SLC12A5: variants seen among roughly 807,000 people sequenced by gnomAD.
SLC12A5 encodes solute carrier family 12 member 5, also known as K-Cl cotransporter 2.
A neutral mutation model predicts 124.0 loss-of-function variants in SLC12A5; 18 were observed. The observed-to-expected ratio is 0.15, with a 90% confidence interval of 0.10 to 0.22. The LOEUF is 0.22. SLC12A5 is among the 10% of genes least tolerant of loss of function. The probability of loss-of-function intolerance (pLI) is 1.00; values close to 1 mark genes in which losing one functional copy is unlikely to be tolerated. For synonymous variants in SLC12A5, 589 were observed against 568.0 expected (o/e 1.04, Z -0.53); for missense variants, 867 against 1,478.7 (o/e 0.59, Z 6.78).
intron 4 of SLC12A5, chr20:46,036,196 A>G: frequency 2.6e-6 from 1 of 386,262 alleles, no homozygotes; most frequent in Non-Finnish European, 4.6e-6. Flanking sequence ...AGGGAAGAAA[A>G]TAAAATTCAC....
At chr20:46,046,749 C>A (rs1385051501) in intron 14 of SLC12A5, among the ~76,000 whole-genome samples, 1 of 152,208 alleles carries the variant, frequency 6.6e-6, no homozygotes, top group Non-Finnish European at 1.5e-5. Flanking sequence ...CATGACTCTG[C>A]ACTTCCTAGC....
chr20:46,023,668 G>A, downstream of SLC12A5: 1 of 387,558 alleles, frequency 2.6e-6, no homozygotes, highest in Non-Finnish European at 4.6e-6. Flanking sequence ...ACTCCTATTC[G>A]TTCTGTAAGT....
At position 46,029,240 on chromosome 20, in the gene SLC12A5, G is replaced by A; in HGVS notation, c.-105G>A. 6.9e-7 allele frequency: 1 copy of A among 1,455,644 alleles called. No individual in the cohort carries two copies. Among genetic ancestry groups the A allele is most frequent in the Non-Finnish European group, 9.1e-7 (1 of 1,103,000 alleles). 90.2% of individuals were successfully genotyped at this position (1,455,644 alleles called of 1,614,324 possible). On this transcript the variant is annotated 5_prime_UTR_variant, in exon 1 of 26. Coordinates refer to ENST00000243964, the MANE Select transcript of SLC12A5 (RefSeq NM_020708.5). ...ACTGCAGCTTCTTCCTCCGTGGAGC[G>A]GAGAGCGAGACAGAGCTACAGCGAA... is the stretch of plus-strand genomic sequence containing the variant.
chr20:46,047,621 T>C, intron 15 of SLC12A5, 48 bp downstream of exon 15: 1 of 1,548,080 alleles, frequency 6.5e-7, no homozygotes, highest in South Asian at 1.2e-5. Flanking sequence ...GGCTGAAGGG[T>C]GGTGGGAAGG....
downstream of SLC12A5, among the ~76,000 whole-genome samples, chr20:46,024,167 G>A (rs2084378178): frequency 6.6e-6 from 1 of 150,706 alleles, no homozygotes; most frequent in Non-Finnish European, 1.5e-5. Flanking sequence ...GTGTGTGTGT[G>A]TGTCTTGTGG....
intron 5 of SLC12A5, among the ~76,000 whole-genome samples, 193 bp downstream of exon 5, chr20:46,036,988 A>C (rs3746517): frequency 0.029 from 4,392 of 151,812 alleles, 171 homozygotes; most frequent in Admixed American, 0.12. Context: ...GCCCTCCCCC[A>C]ACTCATCCTG....
intron 21 of SLC12A5, among the ~76,000 whole-genome samples, 168 bp downstream of exon 21, chr20:46,055,191 A>T (rs1205692209): frequency 6.6e-6 from 1 of 152,142 alleles, no homozygotes; most frequent in East Asian, 1.9e-4. Flanking sequence ...GCAGGAGTAT[A>T]CACTGCAGCT....
At chr20:46,037,469 G>C in intron 6 of SLC12A5, 84 bp downstream of exon 6, 1 of 1,412,840 alleles carries the variant, frequency 7.1e-7, no homozygotes, top group Non-Finnish European at 9.3e-7. Flanking sequence ...TATAGGCCAG[G>C]CCATTCAGTG....
upstream of SLC12A5, among the ~76,000 whole-genome samples, chr20:46,026,460 A>G (rs572304165): frequency 2.6e-5 from 4 of 152,104 alleles, no homozygotes; most frequent in Non-Finnish European, 5.9e-5. Context: ...GGTGCCTGCC[A>G]TGTGTTTTCT....
At position 46,029,275 on chromosome 20, in the gene SLC12A5, G is replaced by C; in HGVS notation, c.-70G>C. 6.6e-7 allele frequency: 1 copy of C among 1,506,092 alleles called. No homozygotes were observed. The highest frequency in any genetic ancestry group is 8.9e-7 in the Non-Finnish European group (1 of 1,127,916). The allele number at this position is 1,506,092 out of a possible 1,614,324, so 93.3% of individuals were successfully genotyped here. ...ACAGAGCTACAGCGAACGAGAGAGC[G>C]GCGAAGGCGGGTAGAGGGGCGCGGG... On this transcript the variant is annotated 5_prime_UTR_variant, in exon 1 of 26. Coordinates refer to ENST00000243964, the MANE Select transcript of SLC12A5 (RefSeq NM_020708.5).
chr20:46,041,593 T>C, intron 8 of SLC12A5, 53 bp downstream of exon 8: 1 of 1,595,818 alleles, frequency 6.3e-7, no homozygotes. Flanking sequence ...GGATTGTAGG[T>C]TAAGCGGTCA....
At chr20:46,029,497 C>A in intron 1 of SLC12A5, 101 bp downstream of exon 1, 1 of 1,301,844 alleles carries the variant, frequency 7.7e-7, no homozygotes. Context: ...AGAGAGGAGG[C>A]TGGGACTGAC....
chr20:46,048,165 G>T, intron 16 of SLC12A5, 80 bp downstream of exon 16: 13 of 1,297,426 alleles, frequency 1.0e-5, no homozygotes, highest in Non-Finnish European at 1.4e-5. Flanking sequence ...AAGGGAGCAG[G>T]GCCTGACTTA....
intron 20 of SLC12A5, among the ~76,000 whole-genome samples, chr20:46,054,510 T>A (rs6032638): frequency 0.19 from 28,676 of 152,174 alleles, 2,888 homozygotes; most frequent in South Asian, 0.29. Context: ...CCCTCTGTGT[T>A]TTCATTAATC....
intron 1 of SLC12A5, among the ~76,000 whole-genome samples, chr20:46,032,294 C>A (rs1203090745): frequency 6.6e-6 from 1 of 152,224 alleles, no homozygotes; most frequent in East Asian, 1.9e-4. Context: ...CACCCGCCCC[C>A]GCGAAGGAGG....
At chr20:46,040,221 C>G in intron 6 of SLC12A5, 152 bp from the exon 7 acceptor site, 2 of 1,162,262 alleles carry the variant, frequency 1.7e-6, no homozygotes, top group Non-Finnish European at 2.4e-6. Context: ...ACAGGCCATG[C>G]CTTCTTTAGC....
chr20:46,035,254 G>A (rs2145481958), intron 2 of SLC12A5, 150 bp from the exon 3 acceptor site: 1 of 1,092,592 alleles, frequency 9.2e-7, no homozygotes, highest in East Asian at 2.4e-5. Context: ...TCTTACCCCT[G>A]TTCTCCTCAC....
rs779389047 is a variant in SLC12A5, at chr20:46,041,484, G to A, written c.1010G>A (p.Arg337Gln). 13 of 1,613,966 alleles carry A rather than the reference G, an allele frequency of 8.1e-6. No individual in the cohort carries two copies. The highest frequency in any genetic ancestry group is 5.5e-5 in the South Asian group (5 of 91,082). ...LNATCDEYFT[R>Q]NNVTEIQGIP... The stretch of plus-strand genomic sequence containing the variant: ...GCCACCTGTGATGAATACTTCACCC[G>A]AAACAATGTCACAGAGATCCAGGGC... Residue 337 changes from arginine to glutamine, a missense_variant, in exon 8 of 26, where the codon CGA becomes CAA. By Grantham distance (43) the Arg-to-Gln change is conservative (BLOSUM62 1). This residue lies in a region of SLC12A5 where 127 missense variants were observed against 164.1 expected (regional missense o/e 0.77). Transcript: ENST00000243964.
rs2145511688 is a variant in SLC12A5 at position 46,058,913 on chromosome 20, G to C, written c.*1308G>C. On this transcript the variant is annotated 3_prime_UTR_variant, in exon 26 of 26. Transcript: ENST00000243964. The surrounding 1 kb of genome is among the most constrained non-coding windows in gnomAD (Gnocchi z 5.8). ...CTGCTTAGCAGCGGCCTCTAGCTCCGTCTCCCGGGGACCTGGGCCTGAGGG... is the reference window on the plus strand; with the variant it reads ...CTGCTTAGCAGCGGCCTCTAGCTCCCTCTCCCGGGGACCTGGGCCTGAGGG... 2.5e-6 allele frequency: 1 copy of C among 395,872 alleles called. No homozygotes were observed. Among genetic ancestry groups the C allele is most frequent in the East Asian group, 3.6e-5 (1 of 27,940 alleles). 24.5% of individuals were successfully genotyped at this position (395,872 alleles called of 1,614,324 possible).
Sources: allele counts gnomAD v4.1 joint callset (sites outside exome capture counted in the v4.1 genomes callset), GRCh38; gene constraint gnomAD v4.1.1; regional missense constraint gnomAD v4.1.1; non-coding constraint Gnocchi (gnomAD v3.1); transcripts MANE v1.5; gene names NCBI Gene and HGNC (gene_info 2026-07-23, HGNC 2026-07-21).